Variants in DLGAP1 observed in about 807,000 individuals in gnomAD.
The protein encoded by DLGAP1 is DLG associated protein 1.
In DLGAP1, 11 loss-of-function variants were observed where a neutral mutation model predicts 90.8. The ratio of observed to expected loss-of-function variants is 0.12; its 90% CI spans 0.08 to 0.20. DLGAP1 has a LOEUF of 0.20. Ranked by LOEUF, DLGAP1 falls within the 10% of genes least tolerant of loss-of-function variation. DLGAP1 has a pLI of 1.00. For synonymous variants in DLGAP1, 558 were observed against 540.7 expected, an observed-to-expected ratio of 1.03 and a Z score of -0.44; for missense variants, 1,050 against 1,333.8, an observed-to-expected ratio of 0.79 and a Z score of 3.31.
At chr18:3,943,307 G>A (rs536458896) in intron 3 of DLGAP1, among the ~76,000 whole-genome samples, 1 of 152,306 alleles carries the variant, frequency 6.6e-6, no homozygotes, top group African/African-American at 2.4e-5. Context: ...ATGTTTGGAA[G>A]TCTGCCTTCA....
chr18:4,086,612 T>G (rs1004497460), intron 2 of DLGAP1, among the ~76,000 whole-genome samples: 5 of 152,282 alleles, frequency 3.3e-5, no homozygotes, highest in Admixed American at 1.3e-4. Context: ...AATTTTTCTG[T>G]TTTTGTTTTT....
chr18:3,507,691 GATCCAGCTTGACCAACA>G, intron 11 of DLGAP1, among the ~76,000 whole-genome samples: 1 of 147,724 alleles, frequency 6.8e-6, no homozygotes, highest in East Asian at 2.0e-4. Flanking sequence ...CTTTGTTTTA[GATCCAGCTTGACCAACA>G]ATTGAGCAAT....
chr18:3,740,868 C>T (rs1370879020), intron 6 of DLGAP1, among the ~76,000 whole-genome samples: 1 of 149,926 alleles, frequency 6.7e-6, no homozygotes, highest in African/African-American at 2.5e-5. Context: ...ACCACCACCG[C>T]CACCACCGTC....
intron 7 of DLGAP1, among the ~76,000 whole-genome samples, chr18:3,637,859 C>T (rs951458585): frequency 2.0e-5 from 3 of 151,304 alleles, no homozygotes; most frequent in South Asian, 2.1e-4. Flanking sequence ...GCCTGACTTA[C>T]GTTTCTTTGG....
intron 5 of DLGAP1, among the ~76,000 whole-genome samples, chr18:3,771,983 G>A (rs1598674483): frequency 6.6e-6 from 1 of 152,102 alleles, no homozygotes; most frequent in African/African-American, 2.4e-5. Flanking sequence ...AGCTTATTTC[G>A]GGAACAGAAG....
intron 1 of DLGAP1, among the ~76,000 whole-genome samples, chr18:4,303,037 C>T (rs1300540795): frequency 6.6e-6 from 1 of 152,116 alleles, no homozygotes; most frequent in African/African-American, 2.4e-5. Context: ...TAGTTTATTT[C>T]CTTCCACTAA....
rs978977970 is a variant in DLGAP1, at chr18:4,221,182, C to T, written c.-266-69895G>A. ...GACTGTAACTTGAATCCTATGTTTT[C>T]GGGAACCTCAAAATAGCAACCATCC... On this transcript the variant is annotated intron_variant, in intron 1 of 12. Transcript: ENST00000315677. Among the ~76,000 whole-genome samples the T allele has an allele frequency of 2.0e-5, 3 of 152,048 alleles. No individual in the cohort carries two copies. In the East Asian group the frequency reaches 5.8e-4, roughly 29 times the overall value.
intron 7 of DLGAP1, among the ~76,000 whole-genome samples, chr18:3,662,185 C>G (rs2059708439): frequency 1.3e-5 from 2 of 151,808 alleles, no homozygotes; most frequent in African/African-American, 4.8e-5. Context: ...AGTTTTCAAA[C>G]AAAATTTGGA....
At chr18:4,254,086 G>T (rs2078837248) in intron 1 of DLGAP1, among the ~76,000 whole-genome samples, 1 of 152,006 alleles carries the variant, frequency 6.6e-6, no homozygotes, top group South Asian at 2.1e-4. Flanking sequence ...CTCCCACATT[G>T]TACTATGTCA....
chr18:4,356,962 C>T (rs2081529324), intron 1 of DLGAP1, among the ~76,000 whole-genome samples: 1 of 152,016 alleles, frequency 6.6e-6, no homozygotes, highest in Non-Finnish European at 1.5e-5. Flanking sequence ...ATAACACTCC[C>T]CCTTCACCAT....
chr18:3,885,931 A>G (rs1049992391), intron 3 of DLGAP1, among the ~76,000 whole-genome samples: 1 of 152,226 alleles, frequency 6.6e-6, no homozygotes. Flanking sequence ...TAGGTAATTT[A>G]TTAGACCCAA....
intron 9 of DLGAP1, among the ~76,000 whole-genome samples, chr18:3,558,943 CAAAAT>C (rs1458407277): frequency 6.6e-6 from 1 of 152,150 alleles, no homozygotes; most frequent in Non-Finnish European, 1.5e-5. Context: ...AACTTTGCCA[CAAAAT>C]ATTTTGTTTT....
intron 9 of DLGAP1, among the ~76,000 whole-genome samples, chr18:3,536,214 ACTTT>A (rs1345212267): frequency 5.8e-5 from 8 of 138,996 alleles, no homozygotes; most frequent in Non-Finnish European, 1.2e-4. Flanking sequence ...TTCCTTTCTT[ACTTT>A]CTTTCTTTTT....
chr18:4,453,260 G>A (rs1019886719), intron 1 of DLGAP1, among the ~76,000 whole-genome samples: 2 of 151,984 alleles, frequency 1.3e-5, no homozygotes, highest in African/African-American at 2.4e-5. Context: ...CTGAACCAAG[G>A]GTAGCGTTTA....
At chr18:3,583,162 C>T (rs1402046982) in intron 7 of DLGAP1, among the ~76,000 whole-genome samples, 1 of 136,668 alleles carries the variant, frequency 7.3e-6, no homozygotes, top group African/African-American at 2.7e-5. Flanking sequence ...ACCTACCTAC[C>T]TACCTACCTA....
chr18:4,348,400 A>ATGTGTGTGTGTGTGTGTGTG (rs71160958), intron 1 of DLGAP1, among the ~76,000 whole-genome samples: 2,348 of 133,334 alleles, frequency 0.018, 57 homozygotes, highest in Non-Finnish European at 0.023. Flanking sequence ...GAACTCAGGA[A>ATGTGTGTGTGTGTGTGTGTG]TGTGTGTGTG....
At chr18:4,335,018 G>T (rs1359309544) in intron 1 of DLGAP1, among the ~76,000 whole-genome samples, 3 of 151,826 alleles carry the variant, frequency 2.0e-5, no homozygotes, top group Admixed American at 6.6e-5. Context: ...TAGCTGTGTT[G>T]TGACAATAAT....
chr18:3,506,758 G>A lies in DLGAP1; in HGVS notation c.2571+1812C>T, dbSNP rs1428387492. ...CTTCATGTACATGTTTGAGCAACACGGCTTTATATAAGCTTTCTTATATTT... is the reference window on the plus strand; with the variant it reads ...CTTCATGTACATGTTTGAGCAACACAGCTTTATATAAGCTTTCTTATATTT... On this transcript the variant is annotated intron_variant, in intron 11 of 12. Transcript: ENST00000315677. Among the ~76,000 whole-genome samples the A allele has an allele frequency of 5.9e-5, 9 of 151,768 alleles. No homozygotes were observed. In the South Asian group the frequency reaches 8.3e-4, roughly 14 times the overall value.
chr18:3,864,167 AT>A (rs2070249048), intron 4 of DLGAP1, among the ~76,000 whole-genome samples: 1 of 152,112 alleles, frequency 6.6e-6, no homozygotes. Context: ...ATTTAACAGA[AT>A]TTTTCATTAT....
Sources: gnomAD v4.1 joint callset for allele counts (sites outside exome capture counted in the v4.1 genomes callset) on GRCh38, gnomAD v4.1.1 for gene constraint, MANE v1.5 for transcripts, NCBI Gene and HGNC (gene_info 2026-07-23, HGNC 2026-07-21) for gene names.